Variants in RFX3 observed in about 807,000 individuals in gnomAD.
The protein encoded by RFX3 is transcription factor RFX3.
Under a neutral mutation model 98.6 loss-of-function variants are expected in RFX3, and 14 were observed. The ratio of observed to expected loss-of-function variants is 0.14; its 90% CI spans 0.09 to 0.22. The LOEUF (loss-of-function observed/expected upper bound fraction) is 0.22, where lower values mean the gene tolerates loss of function less well. RFX3 is among the 10% of genes least tolerant of loss of function. The probability of loss-of-function intolerance (pLI) is 1.00; values close to 1 mark genes in which losing one functional copy is unlikely to be tolerated. For missense variants in RFX3, 639 were observed against 926.9 expected (o/e 0.69, Z 4.03); for synonymous variants, 383 against 328.4 (o/e 1.17, Z -1.80).
At chr9:3,329,345 T>C (rs1013865172) in intron 4 of RFX3, among the ~76,000 whole-genome samples, 2 of 144,416 alleles carry the variant, frequency 1.4e-5, no homozygotes, top group Admixed American at 1.4e-4. Flanking sequence ...AAGGCAGAGG[T>C]TGCAGTGAGC....
intron 7 of RFX3, among the ~76,000 whole-genome samples, chr9:3,285,992 T>C (rs1039034256): frequency 6.6e-5 from 10 of 151,856 alleles, no homozygotes; most frequent in African/African-American, 2.2e-4. Flanking sequence ...TCTATTTCTA[T>C]GAAAGCTTGC....
intron 4 of RFX3, among the ~76,000 whole-genome samples, chr9:3,324,473 C>A (rs528978976): frequency 5.9e-5 from 9 of 151,294 alleles, no homozygotes; most frequent in African/African-American, 2.2e-4. Flanking sequence ...CTAATATAAT[C>A]ATTTCCCTTA....
chr9:3,258,222 A>G (rs1822389967), intron 13 of RFX3, among the ~76,000 whole-genome samples: 1 of 152,170 alleles, frequency 6.6e-6, no homozygotes, highest in Non-Finnish European at 1.5e-5. Flanking sequence ...TTGTGTCCAG[A>G]TAATTTTGTC....
At chr9:3,234,977 A>G (rs1312829620) in intron 15 of RFX3, among the ~76,000 whole-genome samples, 2 of 152,210 alleles carry the variant, frequency 1.3e-5, no homozygotes, top group East Asian at 3.9e-4. Context: ...AAAGACAGAA[A>G]TGAGTGAGAA....
At chr9:3,443,230 G>C (rs985275188) in intron 1 of RFX3, among the ~76,000 whole-genome samples, 6 of 152,146 alleles carry the variant, frequency 3.9e-5, no homozygotes, top group African/African-American at 1.4e-4. Flanking sequence ...CGGTATATGT[G>C]CAGGATGTGC....
At position 3,225,153 on chromosome 9, in the gene RFX3, C is replaced by G; in HGVS notation, c.2139G>C (p.Glu713Asp). The change falls in exon 17 of 17, where the codon GAG becomes GAC. Residue 713 changes from glutamate (E) to aspartate (D), a missense_variant. Physicochemically the swap from Glu to Asp is conservative, Grantham distance 45. Transcript: ENST00000617270. ...FPVGCMQPVL[E>D]TGVQPSLLNP... ...TCAGGAGGCTTGGTTGCACGCCAGT[C>G]TCGAGAACAGGCTGCATGCAGCCCA... is the stretch of plus-strand genomic sequence containing the variant. 6.2e-7 allele frequency: 1 copy of G among 1,613,948 alleles called. No individual in the cohort carries two copies. The highest frequency in any genetic ancestry group is 8.5e-7 in the Non-Finnish European group (1 of 1,179,950).
chr9:3,244,001 T>A (rs1351963996), intron 15 of RFX3, among the ~76,000 whole-genome samples: 1 of 102,974 alleles, frequency 9.7e-6, no homozygotes, highest in African/African-American at 2.9e-5. Flanking sequence ...TTTTTCTATT[T>A]TTATTATTTT....
rs192766851 is a variant in RFX3 at position 3,406,914 on chromosome 9, C to T, written c.-8-11318G>A. 3.3e-5 allele frequency among the ~76,000 whole-genome samples: 5 copies of T among 152,218 alleles called. No homozygotes were observed. In the East Asian group the frequency reaches 5.8e-4, roughly 18 times the overall value. ...AGAAACAAGATAAGGATTAAGTAAA[C>T]TCAAATGAACGAATCAAGTCTTCAG... On this transcript the variant is annotated intron_variant, in intron 1 of 16. Transcript: ENST00000617270.
chr9:3,254,482 T>A (rs571827298), intron 14 of RFX3, among the ~76,000 whole-genome samples: 1 of 152,120 alleles, frequency 6.6e-6, no homozygotes, highest in Admixed American at 6.5e-5. Flanking sequence ...CGTTGTTATC[T>A]GGGAAAAAAC....
chr9:3,493,118 C>A (rs996345139), intron 1 of RFX3, among the ~76,000 whole-genome samples: 6 of 152,134 alleles, frequency 3.9e-5, no homozygotes, highest in African/African-American at 1.4e-4. Context: ...CTGTTGTAGG[C>A]TCTTTCACAC....
At chr9:3,502,027 G>A (rs1339457428) in intron 1 of RFX3, among the ~76,000 whole-genome samples, 5 of 151,558 alleles carry the variant, frequency 3.3e-5, no homozygotes, top group Non-Finnish European at 5.9e-5. Context: ...CGAGGCGGGC[G>A]GATCACGAGG....
chr9:3,235,478 C>A (rs368828600), intron 15 of RFX3, among the ~76,000 whole-genome samples: 18 of 152,282 alleles, frequency 1.2e-4, no homozygotes, highest in African/African-American at 4.3e-4. Context: ...CAACAAATCA[C>A]CACAGTTAGT....
At chr9:3,244,854 C>T (rs185739350) in intron 15 of RFX3, among the ~76,000 whole-genome samples, 2 of 152,256 alleles carry the variant, frequency 1.3e-5, no homozygotes, top group Non-Finnish European at 2.9e-5. Flanking sequence ...CTAAGCTCCT[C>T]GAAGGCTGGG....
intron 12 of RFX3, among the ~76,000 whole-genome samples, chr9:3,264,917 G>C (rs576285650): frequency 6.0e-4 from 91 of 152,300 alleles, no homozygotes; most frequent in African/African-American, 2.0e-3. Flanking sequence ...CACTGGGAAG[G>C]GAAGTGCTTT....
chr9:3,524,506 T>C (rs1280693619), intron 1 of RFX3: 1 of 982,476 alleles, frequency 1.0e-6, no homozygotes, highest in Non-Finnish European at 1.2e-6. Context: ...CTTCATACAT[T>C]CTTTATGAAC....
At chr9:3,436,364 A>G (rs1161833987) in intron 1 of RFX3, among the ~76,000 whole-genome samples, 1 of 152,096 alleles carries the variant, frequency 6.6e-6, no homozygotes, top group Non-Finnish European at 1.5e-5. Context: ...ATAGCCCAGA[A>G]AGTGTGTCAA....
At chr9:3,413,069 T>C (rs1158337543) in intron 1 of RFX3, among the ~76,000 whole-genome samples, 1 of 151,898 alleles carries the variant, frequency 6.6e-6, no homozygotes, top group Non-Finnish European at 1.5e-5. Context: ...AAAAAACCTC[T>C]CTCCTTGAGA....
chr9:3,344,955 G>A (rs767152277), intron 3 of RFX3: 5 of 625,994 alleles, frequency 8.0e-6, no homozygotes, highest in Non-Finnish European at 8.7e-6. Flanking sequence ...GATTTAATAC[G>A]GTAACAGAAA....
At chr9:3,229,603 A>G (rs1292559742) in intron 15 of RFX3, among the ~76,000 whole-genome samples, 1 of 152,240 alleles carries the variant, frequency 6.6e-6, no homozygotes, top group Non-Finnish European at 1.5e-5. Context: ...TGAGAATCTC[A>G]GGGTGAACAA....
Sources: allele counts gnomAD v4.1 joint callset (sites outside exome capture counted in the v4.1 genomes callset), GRCh38; gene constraint gnomAD v4.1.1; transcripts MANE v1.5; gene names NCBI Gene and HGNC (gene_info 2026-07-23, HGNC 2026-07-21).